The following STT3B variants were observed in gnomAD, a reference collection of about 807,000 sequenced individuals.
STT3B encodes the protein STT3 oligosaccharyltransferase complex catalytic subunit B, also known as dolichyl-diphosphooligosaccharide--protein glycosyltransferase subunit STT3B.
STT3B carries 29 observed loss-of-function variants against 96.8 expected under a neutral mutation model. The ratio of observed to expected loss-of-function variants is 0.30; its 90% confidence interval spans 0.22 to 0.41. The LOEUF is 0.41. STT3B is among the 10% of genes least tolerant of loss of function. STT3B has a pLI of 1.00. For synonymous variants in STT3B, 367 were observed against 360.0 expected (o/e 1.02, Z -0.22); for missense variants, 640 against 1,022.3 (o/e 0.63, Z 5.10).
chr3:31,533,733 G>A (rs1300958998), intron 1 of STT3B: 2 of 154,878 alleles, frequency 1.3e-5, no homozygotes, highest in Non-Finnish European at 2.9e-5. Flanking sequence ...CTCCTCGCCC[G>A]CTGCTTTCGC....
At chr3:31,600,513 C>G in intron 5 of STT3B, 54 bp downstream of exon 5, 1 of 799,332 alleles carries the variant, frequency 1.3e-6, no homozygotes, top group South Asian at 1.8e-5. Context: ...TGTATTCATT[C>G]ATTTTATTGA....
At chr3:31,583,655 G>A (rs1371373456) in intron 3 of STT3B, among the ~76,000 whole-genome samples, 2 of 152,172 alleles carry the variant, frequency 1.3e-5, no homozygotes, top group Non-Finnish European at 2.9e-5. Context: ...GTTGGATCAT[G>A]TGTTTATTCT....
chr3:31,556,576 A>G (rs1697717007), intron 1 of STT3B, among the ~76,000 whole-genome samples: 1 of 152,182 alleles, frequency 6.6e-6, no homozygotes, highest in Admixed American at 6.5e-5. Context: ...TGTCTTTTTC[A>G]ATAATAGCCA....
At chr3:31,572,070 A>G (rs571021734) in intron 1 of STT3B, among the ~76,000 whole-genome samples, 3 of 103,986 alleles carry the variant, frequency 2.9e-5, no homozygotes, top group African/African-American at 1.1e-4. Context: ...TAATATATTA[A>G]ATATATTAAT....
chr3:31,619,640 C>CTT, intron 8 of STT3B, 36 bp from the exon 9 acceptor site: 1 of 1,568,592 alleles, frequency 6.4e-7, no homozygotes, highest in South Asian at 1.2e-5. Flanking sequence ...TGTTTTATCA[C>CTT]TTAATTGTAA....
chr3:31,591,370 G>C (rs1215128394), intron 3 of STT3B, among the ~76,000 whole-genome samples: 2 of 151,968 alleles, frequency 1.3e-5, no homozygotes, highest in Non-Finnish European at 2.9e-5. Flanking sequence ...GACTGCGTAT[G>C]GTTAGATCTT....
chr3:31,617,177 G>GTTTT, intron 7 of STT3B, 102 bp downstream of exon 7: 1 of 711,074 alleles, frequency 1.4e-6, no homozygotes, highest in East Asian at 3.3e-5. Context: ...ACTACAAAGT[G>GTTTT]ATTTTTTTCT....
intron 5 of STT3B, among the ~76,000 whole-genome samples, chr3:31,600,944 A>G (rs1698913921): frequency 6.6e-6 from 1 of 152,152 alleles, no homozygotes; most frequent in Admixed American, 6.5e-5. Context: ...GTTTAGCGGT[A>G]GATGATGTTT....
chr3:31,533,333 C>A, intron 1 of STT3B, 21 bp downstream of exon 1: 6 of 1,500,220 alleles, frequency 4.0e-6, no homozygotes, highest in Non-Finnish European at 5.3e-6. Flanking sequence ...CGCCGCCCCT[C>A]CCCCGCCCGT....
chr3:31,616,861 C>G, intron 6 of STT3B, 68 bp from the exon 7 acceptor site: 1 of 1,409,318 alleles, frequency 7.1e-7, no homozygotes. Flanking sequence ...GAAGCTCTTT[C>G]AAATGAAAGT....
At chr3:31,546,974 T>C (rs1003655094) in intron 1 of STT3B, among the ~76,000 whole-genome samples, 1 of 152,232 alleles carries the variant, frequency 6.6e-6, no homozygotes, top group African/African-American at 2.4e-5. Flanking sequence ...TGTACAATTA[T>C]GAATCAGCAT....
At chr3:31,595,430 A>G (rs1475953427) in intron 3 of STT3B, among the ~76,000 whole-genome samples, 2 of 151,928 alleles carry the variant, frequency 1.3e-5, no homozygotes, top group African/African-American at 4.8e-5. Flanking sequence ...CCTTTTCGTT[A>G]TTGATCCCTC....
At chr3:31,534,598 T>G (rs911711536) in intron 1 of STT3B, among the ~76,000 whole-genome samples, 8 of 152,138 alleles carry the variant, frequency 5.3e-5, no homozygotes, top group Non-Finnish European at 1.0e-4. Flanking sequence ...TAATAAGTGT[T>G]CGGGTGGAGG....
At chr3:31,595,951 G>A (rs1291748244) in intron 3 of STT3B, among the ~76,000 whole-genome samples, 1 of 152,020 alleles carries the variant, frequency 6.6e-6, no homozygotes, top group African/African-American at 2.4e-5. Context: ...GGACCTTTTG[G>A]TACTCAGTGT....
rs192521944 is a variant in STT3B, at chr3:31,585,518, A to G, written c.711+5422A>G. ...GAAAAGTAATTAACACAGATAAAGT[A>G]GTACAAGGAGCAGTGTTTATCATAT... is the stretch of plus-strand genomic sequence containing the variant. On this transcript the variant is annotated intron_variant, in intron 3 of 15. Coordinates refer to ENST00000295770, the MANE Select transcript of STT3B (RefSeq NM_178862.3). Among the ~76,000 whole-genome samples, 38 of 152,244 alleles carry G rather than the reference A, an allele frequency of 2.5e-4. 1 individual carries two copies. The highest frequency in any genetic ancestry group is 1.1e-3 in the Admixed American group (17 of 15,282).
intron 14 of STT3B, among the ~76,000 whole-genome samples, chr3:31,631,018 G>A (rs190890068): frequency 9.9e-4 from 150 of 152,212 alleles, no homozygotes; most frequent in Admixed American, 1.9e-3. Flanking sequence ...GGATGGTCTC[G>A]ATCTGACCTC....
chr3:31,590,932 A>G (rs1268729847), intron 3 of STT3B, among the ~76,000 whole-genome samples: 1 of 152,100 alleles, frequency 6.6e-6, no homozygotes, highest in Middle Eastern at 3.2e-3. Flanking sequence ...TGATCCACAT[A>G]TGCTTGAAAA....
chr3:31,634,664 T>TA, intron 15 of STT3B, among the ~76,000 whole-genome samples: 1 of 152,282 alleles, frequency 6.6e-6, no homozygotes, highest in South Asian at 2.1e-4. Context: ...CCGGCATGAC[T>TA]AAGGCACTAG....
At chr3:31,534,064 T>A (rs763968280) in intron 1 of STT3B, among the ~76,000 whole-genome samples, 19 of 152,182 alleles carry the variant, frequency 1.2e-4, no homozygotes, top group Non-Finnish European at 2.6e-4. Context: ...ACTGTTTCAC[T>A]ATCGTCTTGG....
Sources: gnomAD v4.1 joint callset for allele counts (sites outside exome capture counted in the v4.1 genomes callset) on GRCh38, gnomAD v4.1.1 for gene constraint, MANE v1.5 for transcripts, NCBI Gene and HGNC (gene_info 2026-07-23, HGNC 2026-07-21) for gene names.